Variants in BTN3A3 observed in about 807,000 individuals in gnomAD.
BTN3A3 encodes butyrophilin subfamily 3 member A3, also known as butyrophilin 3.
In BTN3A3, 39 loss-of-function variants were observed where a neutral mutation model predicts 43.2. The ratio of observed to expected loss-of-function variants is 0.90; its 90% CI spans 0.70 to 1.18. BTN3A3 has a LOEUF of 1.18. Ranked by LOEUF, BTN3A3 falls within the 50% of genes most tolerant of loss-of-function variation. BTN3A3 has a pLI of 0.00. For missense variants in BTN3A3, 631 were observed against 722.8 expected (o/e 0.87, Z 1.46); for synonymous variants, 255 against 272.7 (o/e 0.93, Z 0.64).
chr6:26,444,830 G>GA (rs1230830239), intron 4 of BTN3A3: 2 of 203,366 alleles, frequency 9.8e-6, no homozygotes, highest in Non-Finnish European at 2.0e-5. Flanking sequence ...TAAGGTTTTA[G>GA]AGCAGATTTA....
At chr6:26,444,486 C>A in intron 4 of BTN3A3, 182 bp downstream of exon 4, 2 of 988,574 alleles carry the variant, frequency 2.0e-6, no homozygotes, top group South Asian at 1.7e-5. Flanking sequence ...GAAAGAATTC[C>A]TGCTGTACCT....
intron 8 of BTN3A3, among the ~76,000 whole-genome samples, chr6:26,448,961 G>T (rs1487443364): frequency 6.6e-6 from 1 of 151,782 alleles, no homozygotes; most frequent in Non-Finnish European, 1.5e-5. Context: ...TCTAAGAAAA[G>T]AAAAAGAGGT....
chr6:26,449,894 C>T (rs1489860191), intron 9 of BTN3A3, among the ~76,000 whole-genome samples: 1 of 152,102 alleles, frequency 6.6e-6, no homozygotes, highest in East Asian at 1.9e-4. Context: ...CAAAGCATAA[C>T]CATGCAGCCT....
At position 26,451,965 on chromosome 6, in the gene BTN3A3, A is replaced by C. The variant is rs1429122757; in HGVS notation, c.1309A>C (p.Thr437Pro). 1 of 1,614,114 alleles carries C rather than the reference A, an allele frequency of 6.2e-7. No homozygotes were observed. The highest frequency in any genetic ancestry group is 1.7e-5 in the Admixed American group (1 of 60,010). The change falls in exon 11 of 11, where the codon ACT becomes CCT. Residue 437 changes from threonine to proline, a missense_variant. Transcript: ENST00000244519. The stretch of plus-strand genomic sequence containing the variant: ...GAACGGATACTGGACTATGGGCCTG[A>C]CTGATGGGAATAAGTATCGGGCTCT... Reference protein sequence around the residue: ...PENGYWTMGLTDGNKYRALTE... With the variant: ...PENGYWTMGLPDGNKYRALTE...
At position 26,443,981 on chromosome 6, in the gene BTN3A3, C is replaced by A. The variant is rs375578358; in HGVS notation, c.110C>A (p.Ser37Tyr). 1 of 1,613,802 alleles carries A rather than the reference C, an allele frequency of 6.2e-7. No homozygotes were observed. The highest frequency in any genetic ancestry group is 1.3e-5 in the African/African-American group (1 of 74,898). ...GCTCAGTTTTCTGTGCTTGGACCCT[C>A]TGGGCCCATCCTGGCCATGGTGGGT... ...CSAQFSVLGP[S>Y]GPILAMVGED... The change falls in exon 4 of 11, where the codon TCT (serine) becomes TAT (tyrosine). Residue 37 changes from serine (S) to tyrosine (Y), a missense_variant. Physicochemically the swap from Ser to Tyr is moderately radical, Grantham distance 144 (BLOSUM62 -2). This residue lies in a region of BTN3A3 where 80 missense variants were observed against 138.7 expected (regional missense o/e 0.58). Transcript: ENST00000244519.
intron 1 of BTN3A3, among the ~76,000 whole-genome samples, chr6:26,443,040 C>A (rs1011694296): frequency 2.6e-5 from 4 of 152,290 alleles, no homozygotes; most frequent in African/African-American, 9.6e-5. Context: ...TAATCAATAT[C>A]TTTGTGATTA....
Position 26,440,579 on chromosome 6 carries a change from TAGAA to T in BTN3A3, c.-131_-128del, listed in dbSNP as rs1160040620. 1 of 152,234 alleles carries T rather than the reference TAGAA, an allele frequency of 6.6e-6. No homozygotes were observed. The highest frequency in any genetic ancestry group is 1.5e-5 in the Non-Finnish European group (1 of 68,038). 9.4% of individuals were successfully genotyped at this position (152,234 alleles called of 1,614,324 possible). ...TTCGGAATGAGAGACTCAACCATAATAGAAAGAATGGAGAACTATTAACCACCAT... is the reference window on the plus strand; with the variant it reads ...TTCGGAATGAGAGACTCAACCATAATAGAATGGAGAACTATTAACCACCAT... On this transcript the variant is annotated 5_prime_UTR_variant, in exon 1 of 11. In the 5' UTR this introduces an upstream ATG that the reference lacks. Transcript: ENST00000244519.
rs201403401 is a variant in BTN3A3, at chr6:26,451,706, C to T, written c.1050C>T (p.Asn350=). 1.2e-5 allele frequency: 20 copies of T among 1,613,760 alleles called. No homozygotes were observed. The highest frequency in any genetic ancestry group is 5.0e-5 in the Admixed American group (3 of 60,016). ...TGATTCTGGATCCAGACACGGCAAA[C>T]GCCATCCTCCTTGTTTCTGAGGACC... ...ADVILDPDTA[N]AILLVSEDQR... Residue 350 remains asparagine (N), a synonymous_variant, in exon 11 of 11, where the codon AAC becomes AAT. Transcript: ENST00000244519.
At chr6:26,450,065 A>G in intron 9 of BTN3A3, 42 bp from the exon 10 acceptor site, 4 of 1,606,308 alleles carry the variant, frequency 2.5e-6, no homozygotes, top group Non-Finnish European at 2.6e-6. Context: ...GAAAAGAACA[A>G]AAATACTGAC....
intron 9 of BTN3A3, 132 bp from the exon 10 acceptor site, chr6:26,449,975 G>A (rs1762885511): frequency 1.8e-6 from 2 of 1,110,606 alleles, no homozygotes; most frequent in East Asian, 4.8e-5. Context: ...TATCAGAGCT[G>A]TAGAGGAAGG....
At position 26,452,335 on chromosome 6, in the gene BTN3A3, C is replaced by T. The variant is rs747287970; in HGVS notation, c.1679C>T (p.Pro560Leu). 10 of 1,612,402 alleles carry T rather than the reference C, an allele frequency of 6.2e-6. No individual in the cohort carries two copies. The South Asian group carries it at 1.1e-4, about 18-fold the overall frequency. Residue 560 changes from proline (P) to leucine (L), a missense_variant, in exon 11 of 11, where the codon CCT (proline) becomes CTT (leucine). Physicochemically the swap from Pro to Leu is moderately conservative, Grantham distance 98. Around this residue, in one of 2 missense-constraint regions of BTN3A3, gnomAD observed 551 missense variants for 584.0 expected, o/e 0.94. Coordinates refer to ENST00000244519, the MANE Select transcript of BTN3A3 (RefSeq NM_006994.5). ...EVTSLLLPAH[P>L]GAEVSPSATT... is the part of the protein sequence containing the mutation. ...ACATCTCTGCTTCTCCCTGCCCACC[C>T]TGGAGCTGAGGTCTCCCCTTCTGCA...
intron 10 of BTN3A3, 194 bp downstream of exon 10, chr6:26,450,327 G>A: frequency 1.6e-6 from 1 of 634,788 alleles, no homozygotes; most frequent in East Asian, 3.0e-5. Flanking sequence ...GGGAACCAGG[G>A]AGAATTGCTC....
chr6:26,447,341 T>C (rs1403002035), intron 5 of BTN3A3, among the ~76,000 whole-genome samples: 2 of 152,224 alleles, frequency 1.3e-5, no homozygotes, highest in African/African-American at 4.8e-5. Context: ...AGCAATTTTG[T>C]AATACTCACT....
In BTN3A3 at chr6:26,452,040, G is replaced by A. The variant is rs368736832; in HGVS notation, c.1384G>A (p.Gly462Arg). The A allele has an allele frequency of 1.3e-5, 21 of 1,614,014 alleles. No homozygotes were observed. In the African/African-American group the frequency reaches 2.0e-4, roughly 15 times the overall value. The stretch of plus-strand genomic sequence containing the variant: ...ACTTCCTGAGCCTCCTAGGAAAGTG[G>A]GGATCTTCCTGGACTATGAGACTGG... ...LKLPEPPRKV[G>R]IFLDYETGEI... Residue 462 changes from glycine to arginine, a missense_variant, in exon 11 of 11, where the codon GGG becomes AGG. Coordinates refer to ENST00000244519, the MANE Select transcript of BTN3A3 (RefSeq NM_006994.5).
At chr6:26,444,529 A>G (rs1306171281) in intron 4 of BTN3A3, 3 of 689,834 alleles carry the variant, frequency 4.3e-6, no homozygotes, top group East Asian at 2.7e-5. Context: ...CCTCCCTCTG[A>G]CAACCAGAGA....
chr6:26,443,911 C>T (rs1762706018), intron 3 of BTN3A3, 46 bp from the exon 4 acceptor site: 1 of 1,613,658 alleles, frequency 6.2e-7, no homozygotes, highest in Admixed American at 1.7e-5. Flanking sequence ...CTCTCGTGAC[C>T]CCAACTCCAA....
intron 10 of BTN3A3, 55 bp from the exon 11 acceptor site, chr6:26,451,620 C>G (rs1762931900): frequency 2.8e-5 from 44 of 1,565,370 alleles, no homozygotes; most frequent in Non-Finnish European, 3.8e-5. Context: ...TGCTGAGGCT[C>G]TGAAATCCAG....
intron 5 of BTN3A3, 148 bp downstream of exon 5, chr6:26,446,133 C>T (rs1762774563): frequency 7.5e-7 from 1 of 1,325,236 alleles, no homozygotes; most frequent in South Asian, 1.4e-5. Context: ...CTGAAGGCTA[C>T]TCACTGCTTT....
chr6:26,441,363 T>C (rs1211837875), intron 1 of BTN3A3, among the ~76,000 whole-genome samples: 1 of 152,228 alleles, frequency 6.6e-6, no homozygotes, highest in African/African-American at 2.4e-5. Context: ...ACACAATCTA[T>C]TTCATTGTGT....
Sources: allele counts gnomAD v4.1 joint callset (sites outside exome capture counted in the v4.1 genomes callset), GRCh38; gene constraint gnomAD v4.1.1; regional missense constraint gnomAD v4.1.1; transcripts MANE v1.5; gene names NCBI Gene and HGNC (gene_info 2026-07-23, HGNC 2026-07-21).